Variants in PTPRM observed in about 807,000 individuals in gnomAD.
PTPRM encodes protein tyrosine phosphatase receptor type M.
PTPRM carries 47 observed loss-of-function variants against 186.7 expected under a neutral mutation model. That is an observed-to-expected ratio of 0.25 (90% CI 0.20 to 0.32). The LOEUF (loss-of-function observed/expected upper bound fraction) is 0.32, where lower values mean the gene tolerates loss of function less well. Ranked by LOEUF, PTPRM falls within the 10% of genes least tolerant of loss-of-function variation. The probability of loss-of-function intolerance (pLI) is 1.00; values close to 1 mark genes in which losing one functional copy is unlikely to be tolerated. For synonymous variants in PTPRM, 668 were observed against 674.9 expected (o/e 0.99, Z 0.16); for missense variants, 1,494 against 1,865.0 (o/e 0.80, Z 3.66).
chr18:7,710,052 C>T (rs888095904), intron 1 of PTPRM, among the ~76,000 whole-genome samples: 1 of 152,102 alleles, frequency 6.6e-6, no homozygotes, highest in African/African-American at 2.4e-5. Context: ...TCTATGAAAC[C>T]AGTATCACCC....
intron 1 of PTPRM, among the ~76,000 whole-genome samples, chr18:7,587,948 A>G (rs1395711815): frequency 6.6e-6 from 1 of 152,178 alleles, no homozygotes; most frequent in East Asian, 1.9e-4. Flanking sequence ...AAATTTTTAA[A>G]TGGTAAAAAG....
chr18:8,151,603 C>T (rs1316882132), intron 14 of PTPRM, among the ~76,000 whole-genome samples: 5 of 149,416 alleles, frequency 3.3e-5, no homozygotes, highest in African/African-American at 1.2e-4. Flanking sequence ...CCCACTGAGG[C>T]AGACCACTTG....
intron 2 of PTPRM, among the ~76,000 whole-genome samples, chr18:7,873,860 C>G (rs1478711853): frequency 6.6e-6 from 1 of 151,962 alleles, no homozygotes; most frequent in Admixed American, 6.6e-5. Flanking sequence ...AAATCAAAAC[C>G]CTGGAAGATT....
chr18:8,067,995 TG>T (rs1452707515), intron 7 of PTPRM, among the ~76,000 whole-genome samples: 5 of 152,360 alleles, frequency 3.3e-5, no homozygotes, highest in African/African-American at 7.2e-5. Context: ...CTCTTTAGTT[TG>T]GTAGAGAAAA....
intron 19 of PTPRM, among the ~76,000 whole-genome samples, chr18:8,285,994 A>C (rs1378693850): frequency 6.6e-6 from 1 of 152,216 alleles, no homozygotes; most frequent in Non-Finnish European, 1.5e-5. Flanking sequence ...TTGTCTCAAA[A>C]ATGATGCGAA....
chr18:8,196,468 G>T (rs2093779257), intron 14 of PTPRM, among the ~76,000 whole-genome samples: 1 of 152,214 alleles, frequency 6.6e-6, no homozygotes, highest in South Asian at 2.1e-4. Flanking sequence ...GCGCAGGTCA[G>T]CAGTGCGCCA....
chr18:7,896,132 C>T (rs921591573), intron 3 of PTPRM, among the ~76,000 whole-genome samples: 2 of 152,138 alleles, frequency 1.3e-5, no homozygotes, highest in Admixed American at 1.3e-4. Context: ...ACCTGCCCTC[C>T]TATGGTTGGG....
At chr18:7,895,013 T>A (rs2049278142) in intron 3 of PTPRM, among the ~76,000 whole-genome samples, 2 of 152,252 alleles carry the variant, frequency 1.3e-5, no homozygotes, top group Non-Finnish European at 2.9e-5. Flanking sequence ...ATTAATGAAT[T>A]CTTTTAAAGG....
chr18:8,256,366 T>G (rs1052651716), intron 19 of PTPRM, among the ~76,000 whole-genome samples: 1 of 152,240 alleles, frequency 6.6e-6, no homozygotes, highest in Non-Finnish European at 1.5e-5. Flanking sequence ...TTTCCAAATC[T>G]ATAAATAGAA....
At chr18:8,339,585 C>T (rs2095462138) in intron 22 of PTPRM, among the ~76,000 whole-genome samples, 1 of 152,164 alleles carries the variant, frequency 6.6e-6, no homozygotes, top group Non-Finnish European at 1.5e-5. Flanking sequence ...GAGCAATCCA[C>T]AGTGATCTTG....
At chr18:7,605,448 A>G (rs887752914) in intron 1 of PTPRM, among the ~76,000 whole-genome samples, 19 of 149,294 alleles carry the variant, frequency 1.3e-4, no homozygotes, top group Non-Finnish European at 5.9e-5. Flanking sequence ...CTAGTACCAT[A>G]CTTTGTAGCA....
chr18:8,177,388 A>G (rs761806487), intron 14 of PTPRM, among the ~76,000 whole-genome samples: 18 of 152,240 alleles, frequency 1.2e-4, no homozygotes, highest in Non-Finnish European at 1.9e-4. Context: ...GGCAGCCCTC[A>G]GAACCAGAAG....
chr18:8,298,904 A>G (rs4798621), intron 20 of PTPRM, among the ~76,000 whole-genome samples: 5,824 of 152,258 alleles, frequency 0.038, 161 homozygotes, highest in East Asian at 0.07. Flanking sequence ...GCTTGAGGCC[A>G]GGAGTTGGAG....
At chr18:8,156,058 G>A (rs2093114839) in intron 14 of PTPRM, among the ~76,000 whole-genome samples, 1 of 152,166 alleles carries the variant, frequency 6.6e-6, no homozygotes, top group Admixed American at 6.5e-5. Flanking sequence ...ATGTATGGAT[G>A]TTTTATCTCA....
intron 3 of PTPRM, among the ~76,000 whole-genome samples, chr18:7,893,824 A>T (rs2049201930): frequency 6.6e-6 from 1 of 152,200 alleles, no homozygotes; most frequent in South Asian, 2.1e-4. Context: ...GAAACTTCCC[A>T]GACACTGAAC....
At chr18:8,126,000 T>TTTTTTTTTTTTTTTTTTAA (rs2092335388) in intron 13 of PTPRM, among the ~76,000 whole-genome samples, 2 of 16,314 alleles carry the variant, frequency 1.2e-4, no homozygotes, top group Non-Finnish European at 2.2e-4. Context: ...TATATATATA[T>TTTTTTTTTTTTTTTTTTAA]ATATATATAT....
At chr18:8,012,381 A>G (rs1375704930) in intron 7 of PTPRM, among the ~76,000 whole-genome samples, 1 of 152,226 alleles carries the variant, frequency 6.6e-6, no homozygotes, top group African/African-American at 2.4e-5. Context: ...GTAACTTGGC[A>G]TCTGCCAGGA....
chr18:8,370,381 T>C (rs2148453328), intron 23 of PTPRM, among the ~76,000 whole-genome samples: 1 of 152,340 alleles, frequency 6.6e-6, no homozygotes, highest in South Asian at 2.1e-4. Context: ...ATTGAATTTA[T>C]TTATACTAAA....
chr18:8,228,166 A>G (rs1039035867), intron 14 of PTPRM, among the ~76,000 whole-genome samples: 1 of 152,186 alleles, frequency 6.6e-6, no homozygotes, highest in African/African-American at 2.4e-5. Flanking sequence ...ATTGGAGGGC[A>G]GAATGCCTCT....
Sources: gnomAD v4.1 joint callset for allele counts (sites outside exome capture counted in the v4.1 genomes callset) on GRCh38, gnomAD v4.1.1 for gene constraint, MANE v1.5 for transcripts, NCBI Gene and HGNC (gene_info 2026-07-23, HGNC 2026-07-21) for gene names.